Variants in ANKRD31 observed in about 807,000 individuals in gnomAD.
The protein encoded by ANKRD31 is ankyrin repeat domain-containing protein 31.
A neutral mutation model predicts 186.0 loss-of-function variants in ANKRD31; 147 were observed. That is an observed-to-expected ratio of 0.79 (90% CI 0.69 to 0.91). ANKRD31 has a LOEUF of 0.91. Ranked by LOEUF, ANKRD31 falls within the 40% of genes least tolerant of loss-of-function variation. The pLI, the probability that ANKRD31 is intolerant of heterozygous loss-of-function variation, is 0.00. For synonymous variants in ANKRD31, 673 were observed against 736.4 expected (o/e 0.91, Z 1.39); for missense variants, 1,986 against 2,148.8 (o/e 0.92, Z 1.50).
At chr5:75,121,870 A>G (rs2150090456) in intron 17 of ANKRD31, among the ~76,000 whole-genome samples, 1 of 152,252 alleles carries the variant, frequency 6.6e-6, no homozygotes, top group East Asian at 1.9e-4. Context: ...AAGATTACAG[A>G]TTAACACCCT....
intron 3 of ANKRD31, among the ~76,000 whole-genome samples, chr5:75,211,658 AT>A (rs1756657993): frequency 6.6e-6 from 1 of 152,036 alleles, no homozygotes; most frequent in South Asian, 2.1e-4. Context: ...AACACTTGTT[AT>A]TTTGGGTATT....
At chr5:75,187,502 G>A (rs1580518080) in intron 10 of ANKRD31, among the ~76,000 whole-genome samples, 1 of 151,776 alleles carries the variant, frequency 6.6e-6, no homozygotes, top group South Asian at 2.1e-4. Flanking sequence ...AGAGAGGCTT[G>A]AGAAATCCAT....
intron 10 of ANKRD31, among the ~76,000 whole-genome samples, chr5:75,178,657 G>A (rs1346649228): frequency 6.6e-6 from 1 of 152,006 alleles, no homozygotes; most frequent in East Asian, 1.9e-4. Context: ...TGAAATGAAG[G>A]CAAAAATAAA....
At chr5:75,145,740 TA>T (rs55908528) in intron 14 of ANKRD31, among the ~76,000 whole-genome samples, 31,037 of 151,728 alleles carry the variant, frequency 0.2, 3,399 homozygotes, top group South Asian at 0.39. Context: ...ATAATAATTA[TA>T]AAAAAAACTA....
chr5:75,170,324 G>C (rs1753225152), intron 10 of ANKRD31, among the ~76,000 whole-genome samples: 1 of 151,962 alleles, frequency 6.6e-6, no homozygotes, highest in Non-Finnish European at 1.5e-5. Context: ...CAAAGACAAA[G>C]AAAGAAACAA....
chr5:75,224,133 A>ATATATATATATATATATATATATATGTG (rs1561549932), intron 2 of ANKRD31, among the ~76,000 whole-genome samples: 1 of 53,800 alleles, frequency 1.9e-5, no homozygotes, highest in Non-Finnish European at 3.2e-5. Context: ...AAATAATTAT[A>ATATATATATATATATATATATATATGTG]TATATATATA....
intron 2 of ANKRD31, among the ~76,000 whole-genome samples, chr5:75,229,589 T>A (rs1298876351): frequency 6.6e-6 from 1 of 151,978 alleles, no homozygotes; most frequent in Non-Finnish European, 1.5e-5. Flanking sequence ...ACATTGATTT[T>A]AAAAAATCAA....
At chr5:75,077,613 A>G (rs1030010620) in intron 25 of ANKRD31, among the ~76,000 whole-genome samples, 3 of 152,040 alleles carry the variant, frequency 2.0e-5, no homozygotes, top group African/African-American at 2.4e-5. Context: ...TACAAAAACG[A>G]ACCCTGAAAT....
In ANKRD31 at chr5:75,146,512, G is replaced by C. The variant is rs912955195; in HGVS notation, c.2899C>G (p.Pro967Ala). ...ELKAVSLTTL[P>A]EQEAVNFSYS... Reference sequence around the variant, plus strand: ...GAAAAATTAACAGCTTCCTGTTCTGGAAGTGTGGTTAGGCTGACTGCTTTT... The same window carrying C: ...GAAAAATTAACAGCTTCCTGTTCTGCAAGTGTGGTTAGGCTGACTGCTTTT... Residue 967 changes from proline (P) to alanine (A), a missense_variant, in exon 14 of 26, where the codon CCA becomes GCA. By Grantham distance (27) the Pro-to-Ala change is conservative. Coordinates refer to ENST00000506364, the MANE Select transcript of ANKRD31 (RefSeq NM_001372053.1). The C allele has an allele frequency of 6.5e-7, 1 of 1,536,414 alleles. No homozygotes were observed. Among genetic ancestry groups the C allele is most frequent in the Non-Finnish European group, 8.7e-7 (1 of 1,146,482 alleles).
At chr5:75,118,380 C>G (rs915369027) in intron 17 of ANKRD31, 83 bp from the exon 18 acceptor site, 3 of 1,182,958 alleles carry the variant, frequency 2.5e-6, no homozygotes, top group Non-Finnish European at 3.3e-6. Flanking sequence ...CACTGCCAAG[C>G]ATTAAAAGCT....
chr5:75,164,008 AT>A (rs1752751386), intron 11 of ANKRD31, among the ~76,000 whole-genome samples: 1 of 152,216 alleles, frequency 6.6e-6, no homozygotes, highest in Admixed American at 6.5e-5. Flanking sequence ...CAAATAGTAT[AT>A]GGCAGAAATG....
chr5:75,209,042 C>A (rs1756438329), intron 4 of ANKRD31, among the ~76,000 whole-genome samples: 1 of 152,170 alleles, frequency 6.6e-6, no homozygotes, highest in South Asian at 2.1e-4. Context: ...CTAAAATATT[C>A]TTTTTCAATA....
intron 11 of ANKRD31, among the ~76,000 whole-genome samples, chr5:75,160,715 T>C (rs2150172076): frequency 6.6e-6 from 1 of 152,272 alleles, no homozygotes; most frequent in South Asian, 2.1e-4. Context: ...TCATCTTGAA[T>C]TGTAATACCA....
chr5:75,206,485 G>A lies in ANKRD31; in HGVS notation c.329C>T (p.Thr110Ile), dbSNP rs771659136. The change falls in exon 5 of 26, where the codon ACT becomes ATT. Residue 110 changes from threonine to isoleucine, a missense_variant and splice_region_variant. Thr to Ile is a moderately conservative substitution (Grantham distance 89). Coordinates refer to ENST00000506364, the MANE Select transcript of ANKRD31 (RefSeq NM_001372053.1). ...AATGAACATTGAACAGTTTTTTCTA[G>A]TCCTAAAAAATCAATTAATAAAAAT... ...ETERNQALLQ[T>I]RKNCSMFIGS... 16 of 1,421,002 alleles carry A rather than the reference G, an allele frequency of 1.1e-5. No individual in the cohort carries two copies. In the East Asian group the frequency reaches 4.3e-4, roughly 38 times the overall value. 88.0% of individuals were successfully genotyped at this position (1,421,002 alleles called of 1,614,324 possible).
At chr5:75,232,018 T>C (rs1757983919) in intron 1 of ANKRD31, among the ~76,000 whole-genome samples, 1 of 152,136 alleles carries the variant, frequency 6.6e-6, no homozygotes, top group African/African-American at 2.4e-5. Context: ...ACTTTTCTAT[T>C]ATAACACACC....
intron 11 of ANKRD31, among the ~76,000 whole-genome samples, chr5:75,155,339 CTG>C (rs1439943555): frequency 2.0e-5 from 3 of 152,018 alleles, no homozygotes; most frequent in Non-Finnish European, 4.4e-5. Flanking sequence ...TATATACACT[CTG>C]TATTTTGCCT....
At chr5:75,166,966 T>C (rs776506036) in intron 11 of ANKRD31, among the ~76,000 whole-genome samples, 1 of 152,182 alleles carries the variant, frequency 6.6e-6, no homozygotes, top group African/African-American at 2.4e-5. Flanking sequence ...ATTTAAAGAA[T>C]ATAATTCATT....
At chr5:75,171,013 C>T (rs879284584) in intron 10 of ANKRD31, among the ~76,000 whole-genome samples, 5 of 151,844 alleles carry the variant, frequency 3.3e-5, no homozygotes, top group Non-Finnish European at 5.9e-5. Flanking sequence ...AAGAAACAGA[C>T]AATTCCACAA....
At chr5:75,077,400 T>C (rs913086999) in intron 25 of ANKRD31, among the ~76,000 whole-genome samples, 2 of 152,170 alleles carry the variant, frequency 1.3e-5, no homozygotes, top group African/African-American at 4.8e-5. Context: ...AGATTTACAT[T>C]AATAAGATTA....
Sources: allele counts gnomAD v4.1 joint callset (sites outside exome capture counted in the v4.1 genomes callset), GRCh38; gene constraint gnomAD v4.1.1; transcripts MANE v1.5; gene names NCBI Gene and HGNC (gene_info 2026-07-23, HGNC 2026-07-21).